Variants in TNS3 observed in about 807,000 individuals in gnomAD.
The protein encoded by TNS3 is tensin 3, also known as tensin-3.
Under a neutral mutation model 140.9 loss-of-function variants are expected in TNS3, and 45 were observed. That is an observed-to-expected ratio of 0.32 (90% CI 0.25 to 0.41). The LOEUF (loss-of-function observed/expected upper bound fraction) is 0.41, where lower values mean the gene tolerates loss of function less well. Among genes scored for constraint, TNS3 ranks in the 10% least tolerant of loss-of-function variants. TNS3 has a pLI of 1.00. For missense variants in TNS3, 1,716 were observed against 1,906.7 expected, an observed-to-expected ratio of 0.90 and a Z score of 1.86; for synonymous variants, 815 against 788.4, an observed-to-expected ratio of 1.03 and a Z score of -0.56.
chr7:47,394,153 T>C (rs10279872), intron 16 of TNS3, among the ~76,000 whole-genome samples: 31,949 of 152,220 alleles, frequency 0.21, 3,520 homozygotes, highest in East Asian at 0.33. Flanking sequence ...GCTTCTCTAA[T>C]CATTCATTCA....
intron 4 of TNS3, among the ~76,000 whole-genome samples, chr7:47,473,330 C>T (rs1157704290): frequency 6.6e-6 from 1 of 152,198 alleles, no homozygotes; most frequent in Non-Finnish European, 1.5e-5. Flanking sequence ...TCCTGGAGAT[C>T]AGAGAGATTA....
chr7:47,574,360 G>A (rs991480693), intron 1 of TNS3, among the ~76,000 whole-genome samples: 2 of 152,006 alleles, frequency 1.3e-5, no homozygotes, highest in African/African-American at 4.8e-5. Flanking sequence ...CTGCAGGCCT[G>A]GTTTTTACCC....
chr7:47,423,936 C>G (rs1182567225), intron 10 of TNS3, among the ~76,000 whole-genome samples, 165 bp downstream of exon 10: 3 of 152,202 alleles, frequency 2.0e-5, no homozygotes, highest in Non-Finnish European at 4.4e-5. Context: ...AGTCCTTAAC[C>G]TCTGGGAGGG....
Position 47,369,440 on chromosome 7 carries a change from C to A in TNS3, c.1206G>T (p.Thr402=), listed in dbSNP as rs772682578. 9.3e-6 allele frequency: 15 copies of A among 1,614,036 alleles called. No individual in the cohort carries two copies. Among genetic ancestry groups the A allele is most frequent in the Non-Finnish European group, 1.2e-5 (14 of 1,180,038 alleles). Residue 402 remains threonine, a synonymous_variant, in exon 17 of 31, where the codon ACG becomes ACT. Transcript: ENST00000311160. ...DSGHSTASAR[T]DKTEERLAPG... is the part of the protein sequence containing the mutation. Reference sequence around the variant, plus strand: ...GGGCCAGGCGCTCTTCCGTCTTATCCGTCCTGGCAGAGGCTGTAGAGTGGC... The same window carrying A: ...GGGCCAGGCGCTCTTCCGTCTTATCAGTCCTGGCAGAGGCTGTAGAGTGGC...
chr7:47,442,277 G>A (rs1621656), intron 4 of TNS3, among the ~76,000 whole-genome samples: 41,957 of 152,156 alleles, frequency 0.28, 6,512 homozygotes, highest in Non-Finnish European at 0.34. Context: ...GCATCAGGAC[G>A]GGCTTTCACA....
intron 20 of TNS3, among the ~76,000 whole-genome samples, chr7:47,307,853 C>T (rs960156628): frequency 6.6e-6 from 1 of 152,022 alleles, no homozygotes; most frequent in Non-Finnish European, 1.5e-5. Context: ...ATGCAAGTCC[C>T]TTATCATATA....
At chr7:47,400,308 A>G in intron 15 of TNS3, 85 bp downstream of exon 15, 1 of 1,064,650 alleles carries the variant, frequency 9.4e-7, no homozygotes, top group Middle Eastern at 2.0e-4. Context: ...AAGGCAGGAG[A>G]CTAGTACTAC....
intron 1 of TNS3, among the ~76,000 whole-genome samples, chr7:47,549,337 C>T (rs1230088227): frequency 6.6e-6 from 1 of 151,780 alleles, no homozygotes; most frequent in African/African-American, 2.4e-5. Flanking sequence ...CTAAAAATAC[C>T]AAAAAAACTT....
chr7:47,450,075 G>A (rs1475079675), intron 4 of TNS3, among the ~76,000 whole-genome samples: 1 of 152,188 alleles, frequency 6.6e-6, no homozygotes. Flanking sequence ...TAGCCACCCA[G>A]CACAGCAGTC....
At chr7:47,451,732 T>G (rs1018647978) in intron 4 of TNS3, among the ~76,000 whole-genome samples, 1 of 152,252 alleles carries the variant, frequency 6.6e-6, no homozygotes, top group African/African-American at 2.4e-5. Context: ...GAGACACCTC[T>G]GCACATTCTG....
chr7:47,389,929 A>G (rs1482048128), intron 16 of TNS3, among the ~76,000 whole-genome samples: 1 of 152,222 alleles, frequency 6.6e-6, no homozygotes, highest in Non-Finnish European at 1.5e-5. Context: ...GCCTGATGAC[A>G]GCTGCTTTTC....
At chr7:47,472,891 G>T (rs1314161048) in intron 4 of TNS3, among the ~76,000 whole-genome samples, 2 of 152,196 alleles carry the variant, frequency 1.3e-5, no homozygotes, top group Non-Finnish European at 2.9e-5. Context: ...TGGGAGATGG[G>T]GGTGAGGGTC....
rs376341208 is a variant in TNS3 at position 47,327,376 on chromosome 7, T to G, written c.2650+17379A>C. 3.3e-5 allele frequency among the ~76,000 whole-genome samples: 5 copies of G among 152,324 alleles called. No individual in the cohort carries two copies. The East Asian group carries it at 9.6e-4, about 29-fold the overall frequency. Reference sequence around the variant, plus strand: ...TCTCATTTTAGAACCCAGCGCCTGATCCTAACGCTTGCTTTCGGCATTTAG... The same window carrying G: ...TCTCATTTTAGAACCCAGCGCCTGAGCCTAACGCTTGCTTTCGGCATTTAG... On this transcript the variant is annotated intron_variant, in intron 20 of 30. Transcript: ENST00000311160.
chr7:47,276,057 C>T lies in TNS3; in HGVS notation c.*2019G>A. 1 of 333,434 alleles carries T rather than the reference C, an allele frequency of 3.0e-6. No homozygotes were observed. The highest frequency in any genetic ancestry group is 5.9e-6 in the Non-Finnish European group (1 of 168,996). 20.7% of individuals were successfully genotyped at this position (333,434 alleles called of 1,614,324 possible). Reference sequence around the variant, plus strand: ...AGGACCTCTTGGGGAAAGTACAAACCTCTGCTCCCTGTGGCCACATTCCTG... The same window carrying T: ...AGGACCTCTTGGGGAAAGTACAAACTTCTGCTCCCTGTGGCCACATTCCTG... On this transcript the variant is annotated 3_prime_UTR_variant, in exon 31 of 31. Transcript: ENST00000311160.
chr7:47,453,867 C>T (rs1349672754), intron 4 of TNS3, among the ~76,000 whole-genome samples: 1 of 152,240 alleles, frequency 6.6e-6, no homozygotes, highest in African/African-American at 2.4e-5. Flanking sequence ...CGGGCCACAT[C>T]GTGTCCTCAG....
intron 10 of TNS3, among the ~76,000 whole-genome samples, chr7:47,421,434 AT>A (rs1316447039): frequency 0.048 from 6,673 of 140,384 alleles, 184 homozygotes; most frequent in Non-Finnish European, 0.068. Context: ...CATCCAGCTA[AT>A]TTTTTTTTTT....
chr7:47,346,352 G>A lies in TNS3; in HGVS notation c.2286C>T (p.Ser762=). The change falls in exon 18 of 31, where the codon TCC becomes TCT. Residue 762 remains serine, a synonymous_variant. Coordinates refer to ENST00000311160, the MANE Select transcript of TNS3 (RefSeq NM_022748.12). ...GPSRATGRQG[S]SAEQPLGGRL... The stretch of plus-strand genomic sequence containing the variant: ...TCCCGCCCAGGGGCTGTTCAGCAGA[G>A]GAGCCTGTTAAAAGGGAGACAAGCA... 1 of 1,614,074 alleles carries A rather than the reference G, an allele frequency of 6.2e-7. No homozygotes were observed.
intron 4 of TNS3, among the ~76,000 whole-genome samples, chr7:47,448,264 T>C (rs1172823134): frequency 2.6e-5 from 4 of 151,698 alleles, no homozygotes; most frequent in African/African-American, 9.7e-5. Flanking sequence ...GAGGGAAGAG[T>C]GAAAGACACA....
At chr7:47,524,921 G>A (rs1050322815) in intron 2 of TNS3, among the ~76,000 whole-genome samples, 2 of 151,820 alleles carry the variant, frequency 1.3e-5, no homozygotes, top group South Asian at 2.1e-4. Context: ...TAAACCAGGC[G>A]TGAGAAGAGG....
Sources: gnomAD v4.1 joint callset for allele counts (sites outside exome capture counted in the v4.1 genomes callset) on GRCh38, gnomAD v4.1.1 for gene constraint, MANE v1.5 for transcripts, NCBI Gene and HGNC (gene_info 2026-07-23, HGNC 2026-07-21) for gene names.